DCHS1: variants seen among roughly 807,000 people sequenced by gnomAD.
DCHS1 encodes dachsous cadherin-related 1, also known as protocadherin-16.
DCHS1 carries 78 observed loss-of-function variants against 213.9 expected under a neutral mutation model. That is an observed-to-expected ratio of 0.36 (90% CI 0.30 to 0.44). The LOEUF (loss-of-function observed/expected upper bound fraction) is 0.44. Among genes scored for constraint, DCHS1 ranks in the 20% least tolerant of loss-of-function variants. DCHS1 has a pLI of 1.00. For synonymous variants in DCHS1, 1,828 were observed against 1,873.7 expected (o/e 0.98, Z 0.63); for missense variants, 3,946 against 4,395.9 (o/e 0.90, Z 2.89).
At chr11:6,648,818 T>C (rs530682822) in intron 1 of DCHS1, among the ~76,000 whole-genome samples, 4 of 152,322 alleles carry the variant, frequency 2.6e-5, no homozygotes, top group African/African-American at 9.6e-5. Context: ...GTTAGAGTAG[T>C]GTCTGGCACA....
In DCHS1 at chr11:6,640,663, C is replaced by T. The variant is rs768696146; in HGVS notation, c.951G>A (p.Glu317=). The part of the protein sequence containing the change: ...IDAHTGLLQL[E]RPLDFEQRRV... ...GCCGCTGCTCAAAGTCCAGTGGCCG[C>T]TCTAACTGCAGCAGCCCCGTGTGTG... The change falls in exon 2 of 21, where the codon GAG becomes GAA. Residue 317 remains glutamate (E), a synonymous_variant. Coordinates refer to ENST00000299441, the MANE Select transcript of DCHS1 (RefSeq NM_003737.4). The surrounding 1 kb of genome is among the most constrained non-coding windows in gnomAD (Gnocchi z 6.5). 5.6e-6 allele frequency: 9 copies of T among 1,613,098 alleles called. No homozygotes were observed. The South Asian group carries it at 8.8e-5, about 16-fold the overall frequency.
Position 6,630,029 on chromosome 11 carries a change from C to A in DCHS1, c.4765G>T (p.Asp1589Tyr). 1.3e-6 allele frequency: 2 copies of A among 1,558,716 alleles called. No individual in the cohort carries two copies. Among genetic ancestry groups the A allele is most frequent in the Non-Finnish European group, 1.7e-6 (2 of 1,148,766 alleles). ...RVSYRLASGG[D>Y]GHFRLHSSTG... is the part of the protein sequence containing the mutation. ...CTTGAGTGCAGCCGGAAGTGGCCGT[C>A]CCCGCCAGATGCCAGCCGATAGGAC... Residue 1589 changes from aspartate to tyrosine, a missense_variant, in exon 10 of 21, where the codon GAC becomes TAC. Asp to Tyr is a radical substitution (Grantham distance 160, BLOSUM62 -3). This residue lies in a region of DCHS1 where 3,384 missense variants were observed against 3,780.1 expected (regional missense o/e 0.90). Transcript: ENST00000299441.
rs756783938 is a variant in DCHS1, at chr11:6,631,746, T to C, written c.3545A>G (p.Gln1182Arg). The part of the protein sequence containing the change: ...EQQSSYQLLV[Q>R]VQDGGSPPRS... ...GGGTGGGCTCCCTCCATCCTGCACCTGCACCAGGAGCTGATAGCTGCTCTG... is the reference window on the plus strand; with the variant it reads ...GGGTGGGCTCCCTCCATCCTGCACCCGCACCAGGAGCTGATAGCTGCTCTG... Residue 1182 changes from glutamine to arginine, a missense_variant, in exon 7 of 21, where the codon CAG becomes CGG. Physicochemically the swap from Gln to Arg is conservative, Grantham distance 43 (BLOSUM62 1). Around this residue, in one of 3 missense-constraint regions of DCHS1, gnomAD observed 3,384 missense variants for 3,780.1 expected, o/e 0.90. Coordinates refer to ENST00000299441, the MANE Select transcript of DCHS1 (RefSeq NM_003737.4). The C allele has an allele frequency of 1.9e-6, 3 of 1,605,724 alleles. No homozygotes were observed. Among genetic ancestry groups the C allele is most frequent in the Admixed American group, 1.7e-5 (1 of 58,678 alleles).
chr11:6,630,813 C>T lies in DCHS1; in HGVS notation c.3981G>A (p.Arg1327=). ...LAEPPPDLAE[R]DPAAPVPVVL... ...CGACAGGCACTGGTGCCGCTGGGTC[C>T]CGCTCTGCGAGATCTGGGGGCGGCT... The change falls in exon 10 of 21, where the codon CGG becomes CGA. Residue 1327 remains arginine, a synonymous_variant. Transcript: ENST00000299441. 4.6e-6 allele frequency: 7 copies of T among 1,535,200 alleles called. No homozygotes were observed. The highest frequency in any genetic ancestry group is 6.2e-6 in the Non-Finnish European group (7 of 1,137,964).
Position 6,653,901 on chromosome 11 carries a change from A to G in DCHS1, c.-121+1662T>C, listed in dbSNP as rs1856280009. 2.0e-5 allele frequency among the ~76,000 whole-genome samples: 3 copies of G among 152,300 alleles called. 1 individual carries two copies. The South Asian group carries it at 6.2e-4, about 32-fold the overall frequency. On this transcript the variant is annotated intron_variant, in intron 1 of 20. Transcript: ENST00000299441. Reference sequence around the variant, plus strand: ...GGGAGCGAGAACATCTGAAAGCTGGAAGGATATAGGAGGTTGTGGGTAGAG... The same window carrying G: ...GGGAGCGAGAACATCTGAAAGCTGGGAGGATATAGGAGGTTGTGGGTAGAG...
Position 6,633,930 on chromosome 11 carries a change from T to G in DCHS1, c.2077A>C (p.Ser693Arg), listed in dbSNP as rs1411581492. The G allele has an allele frequency of 1.2e-6, 2 of 1,614,022 alleles. No homozygotes were observed. Among genetic ancestry groups the G allele is most frequent in the Non-Finnish European group, 1.7e-6 (2 of 1,179,892 alleles). Reference protein sequence around the residue: ...PQFYPREYAASISAQSPPGTA... With the variant: ...PQFYPREYAARISAQSPPGTA... ...CCTGGTGGACTCTGGGCACTTATAC[T>G]GGCAGCATACTCCCGTGGATAAAAC... is the stretch of plus-strand genomic sequence containing the variant. The change falls in exon 4 of 21, where the codon AGT becomes CGT. Residue 693 changes from serine to arginine, a missense_variant. Ser to Arg is a moderately radical substitution (Grantham distance 110, BLOSUM62 -1). Transcript: ENST00000299441.
intron 1 of DCHS1, among the ~76,000 whole-genome samples, chr11:6,655,083 G>T (rs1002079953): frequency 6.6e-6 from 1 of 151,968 alleles, no homozygotes; most frequent in African/African-American, 2.4e-5. Flanking sequence ...GTCTCAGTTG[G>T]TCTCTGTCAC....
chr11:6,636,679 C>T (rs1159302319), intron 2 of DCHS1, among the ~76,000 whole-genome samples: 1 of 152,116 alleles, frequency 6.6e-6, no homozygotes, highest in African/African-American at 2.4e-5. Flanking sequence ...TCCTGCTTCT[C>T]CACCCACTGC....
rs192224093 is a variant in DCHS1 at position 6,634,233 on chromosome 11, G to T, written c.1871C>A (p.Ser624Tyr). The part of the protein sequence containing the change: ...SYSLGAGLGS[S>Y]GSPPFRIDAH... ...ATCAATGCGGAATGGGGGAGATCCG[G>T]AGGACCCAAGTCCAGCACCCAAGGA... The change falls in exon 3 of 21, where the codon TCC (serine) becomes TAC (tyrosine). Residue 624 changes from serine to tyrosine, a missense_variant. Ser to Tyr is a moderately radical substitution (Grantham distance 144). This residue lies in a region of DCHS1 where 3,384 missense variants were observed against 3,780.1 expected (regional missense o/e 0.90). Coordinates refer to ENST00000299441, the MANE Select transcript of DCHS1 (RefSeq NM_003737.4). 6.2e-7 allele frequency: 1 copy of T among 1,613,946 alleles called. No individual in the cohort carries two copies. Among genetic ancestry groups the T allele is most frequent in the Admixed American group, 1.7e-5 (1 of 60,016 alleles).
In DCHS1 at chr11:6,627,305, G is replaced by C. The variant is rs537298642; in HGVS notation, c.5734C>G (p.Arg1912Gly). Residue 1912 changes from arginine (R) to glycine (G), a missense_variant, in exon 14 of 21, where the codon CGC becomes GGC. Arg to Gly is a moderately radical substitution (Grantham distance 125, BLOSUM62 -2). Coordinates refer to ENST00000299441, the MANE Select transcript of DCHS1 (RefSeq NM_003737.4). This position sits in a 1 kb window ranked among gnomAD's most constrained non-coding sequence, Gnocchi z 5.4. ...TCTCTGTCCAAGGCTGCAGCTGTGC[G>C]CAGTTCTCCAGAGCTGGGCTCCAGC... is the stretch of plus-strand genomic sequence containing the variant. ...FLLEPSSGEL[R>G]TAAALDREQC... 2 of 1,611,816 alleles carry C rather than the reference G, an allele frequency of 1.2e-6. No homozygotes were observed. Among genetic ancestry groups the C allele is most frequent in the South Asian group, 1.1e-5 (1 of 90,806 alleles).
At chr11:6,637,527 C>G (rs1040326713) in intron 2 of DCHS1, among the ~76,000 whole-genome samples, 2 of 152,062 alleles carry the variant, frequency 1.3e-5, no homozygotes, top group African/African-American at 2.4e-5. Flanking sequence ...TCATCTCCCA[C>G]CTTCCCATCT....
At position 6,634,029 on chromosome 11, in the gene DCHS1, A is replaced by G. The variant is rs1209822112; in HGVS notation, c.1987-9T>C. 1 of 1,612,878 alleles carries G rather than the reference A, an allele frequency of 6.2e-7. No homozygotes were observed. The highest frequency in any genetic ancestry group is 1.3e-5 in the African/African-American group (1 of 75,040). ...ATGGACTTGAGGCCTCCCTGGTGGG[A>G]CATGCAGCCATAGGTCAGGTGGGCC... On this transcript the variant is annotated splice_polypyrimidine_tract_variant and intron_variant, in intron 3 of 20. Coordinates refer to ENST00000299441, the MANE Select transcript of DCHS1 (RefSeq NM_003737.4).
chr11:6,641,550 G>T lies in DCHS1; in HGVS notation c.64C>A (p.Leu22Met), dbSNP rs1383272149. ...PGMKSPRPHL[L>M]LPLLLLLLLL... ...AGCAGCAGCAGCAGCAATGGTAGCA[G>T]GAGGTGGGGCCTGGGGCTCTTCATG... Residue 22 changes from leucine (L) to methionine (M), a missense_variant, in exon 2 of 21, where the codon CTG (leucine) becomes ATG (methionine). By Grantham distance (15) the Leu-to-Met change is conservative. Coordinates refer to ENST00000299441, the MANE Select transcript of DCHS1 (RefSeq NM_003737.4). The surrounding 1 kb of genome is among the most constrained non-coding windows in gnomAD (Gnocchi z 7.1). 4 of 1,551,962 alleles carry T rather than the reference G, an allele frequency of 2.6e-6. No homozygotes were observed. Among genetic ancestry groups the T allele is most frequent in the Non-Finnish European group, 3.5e-6 (4 of 1,147,702 alleles).
At chr11:6,624,911 G>A in intron 19 of DCHS1, 43 bp from the exon 20 acceptor site, 1 of 1,609,592 alleles carries the variant, frequency 6.2e-7, no homozygotes, top group Non-Finnish European at 8.5e-7. Flanking sequence ...CTTCCCATTT[G>A]CCCTGCTGTC....
rs1364106763 is a variant in DCHS1 at position 6,625,490 on chromosome 11, C to T, written c.6863-9G>A. ...TGAGCCCAATAACGCATCTGGAATA[C>T]ATGAGACTAGTGTGTTTGGCAATGG... On this transcript the variant is annotated splice_polypyrimidine_tract_variant and intron_variant, in intron 18 of 20. Coordinates refer to ENST00000299441, the MANE Select transcript of DCHS1 (RefSeq NM_003737.4). The surrounding 1 kb of genome is among the most constrained non-coding windows in gnomAD (Gnocchi z 5.3). 1 of 1,605,450 alleles carries T rather than the reference C, an allele frequency of 6.2e-7. No individual in the cohort carries two copies. Among genetic ancestry groups the T allele is most frequent in the Non-Finnish European group, 8.5e-7 (1 of 1,176,798 alleles).
Position 6,622,069 on chromosome 11 carries a change from G to T in DCHS1, c.9607C>A (p.Pro3203Thr). 1 of 1,612,860 alleles carries T rather than the reference G, an allele frequency of 6.2e-7. No individual in the cohort carries two copies. The highest frequency in any genetic ancestry group is 2.2e-5 in the East Asian group (1 of 44,856). ...CPPAPRIDPP[P>T]LITAVAHPGA... ...GGGTGGGCCACGGCAGTGATGAGGG[G>T]TGGTGGGTCGATACGGGGAGCTGGG... Residue 3203 changes from proline to threonine, a missense_variant, in exon 21 of 21, where the codon CCC (proline) becomes ACC (threonine). Physicochemically the swap from Pro to Thr is conservative, Grantham distance 38. This residue lies in a region of DCHS1 where 554 missense variants were observed against 590.2 expected (regional missense o/e 0.94). Transcript: ENST00000299441. The surrounding 1 kb of genome is among the most constrained non-coding windows in gnomAD (Gnocchi z 5.4).
intron 1 of DCHS1, among the ~76,000 whole-genome samples, chr11:6,648,309 C>A (rs1856196112): frequency 6.6e-6 from 1 of 152,092 alleles, no homozygotes; most frequent in South Asian, 2.1e-4. Flanking sequence ...GTTGAAGAGA[C>A]CTTTATTCTT....
Position 6,631,354 on chromosome 11 carries a change from A to T in DCHS1, c.3729T>A (p.Asp1243Glu). ...TGGTCCCATTCTCCCCCTCATCTGG[A>T]TCCTTCGCCTGCAGAGTCGTCACCA... ...GTLVTTLQAK[D>E]PDEGENGTIL... Residue 1243 changes from aspartate (D) to glutamate (E), a missense_variant, in exon 8 of 21, where the codon GAT (aspartate) becomes GAA (glutamate). By Grantham distance (45) the Asp-to-Glu change is conservative. This residue lies in a region of DCHS1 where 3,384 missense variants were observed against 3,780.1 expected (regional missense o/e 0.90). Transcript: ENST00000299441. 1 of 1,613,908 alleles carries T rather than the reference A, an allele frequency of 6.2e-7. No individual in the cohort carries two copies. The highest frequency in any genetic ancestry group is 8.5e-7 in the Non-Finnish European group (1 of 1,179,848).
At chr11:6,654,539 C>G (rs113626649) in intron 1 of DCHS1, among the ~76,000 whole-genome samples, 3,340 of 152,050 alleles carry the variant, frequency 0.022, 117 homozygotes, top group African/African-American at 0.076. Flanking sequence ...CAGCATTTCT[C>G]CTGTGGGTGT....
Sources: gnomAD v4.1 joint callset for allele counts (sites outside exome capture counted in the v4.1 genomes callset) on GRCh38, gnomAD v4.1.1 for gene constraint, gnomAD v4.1.1 regional missense constraint, Gnocchi (gnomAD v3.1) non-coding constraint, MANE v1.5 for transcripts, NCBI Gene and HGNC (gene_info 2026-07-23, HGNC 2026-07-21) for gene names.